DYTN: variants seen among roughly 807,000 people sequenced by gnomAD.
DYTN encodes dystrotelin.
In DYTN, 75 loss-of-function variants were observed where a neutral mutation model predicts 69.6. That is an observed-to-expected ratio of 1.08 (90% CI 0.89 to 1.31). DYTN has a LOEUF of 1.31. Among genes scored for constraint, DYTN ranks in the 50% most tolerant of loss-of-function variants. The pLI, the probability that DYTN is intolerant of heterozygous loss-of-function variation, is 0.00. For synonymous variants in DYTN, 252 were observed against 249.1 expected (o/e 1.01, Z -0.11); for missense variants, 726 against 688.4 (o/e 1.05, Z -0.61).
intron 9 of DYTN, among the ~76,000 whole-genome samples, chr2:206,672,122 A>T (rs1699636290): frequency 1.3e-5 from 2 of 152,228 alleles, no homozygotes; most frequent in Non-Finnish European, 2.9e-5. Flanking sequence ...CCTCTGGGGA[A>T]TTAGGGACTG....
intron 9 of DYTN, among the ~76,000 whole-genome samples, chr2:206,683,306 C>G (rs1429242373): frequency 2.0e-5 from 3 of 151,606 alleles, no homozygotes; most frequent in African/African-American, 4.8e-5. Flanking sequence ...CTTCCATCTG[C>G]CCCCACTTCC....
At chr2:206,714,888 CT>C (rs1700112557) in intron 1 of DYTN, among the ~76,000 whole-genome samples, 1 of 151,976 alleles carries the variant, frequency 6.6e-6, no homozygotes, top group South Asian at 2.1e-4. Flanking sequence ...AGCCTTAGAG[CT>C]TTCTGTTTGT....
chr2:206,695,680 G>A (rs1574599509), intron 7 of DYTN, among the ~76,000 whole-genome samples: 1 of 152,186 alleles, frequency 6.6e-6, no homozygotes, highest in Admixed American at 6.5e-5. Flanking sequence ...GGATATTTGA[G>A]TGGGACCATG....
Position 206,663,098 on chromosome 2 carries a change from G to A in DYTN, c.1438C>T (p.Leu480=), listed in dbSNP as rs768857657. The part of the protein sequence containing the change: ...QKMPQKVISA[L]PSYQEGLKQD... The stretch of plus-strand genomic sequence containing the variant: ...TTCAGTCCCTCCTGATAACTGGGTA[G>A]GGCACTAATGACTTTCTGTGGCATC... The change falls in exon 11 of 12, where the codon CTA becomes TTA. Residue 480 remains leucine (L), a synonymous_variant. Transcript: ENST00000452335. 1 of 1,613,828 alleles carries A rather than the reference G, an allele frequency of 6.2e-7. No homozygotes were observed. Among genetic ancestry groups the A allele is most frequent in the Non-Finnish European group, 8.5e-7 (1 of 1,179,868 alleles).
chr2:206,708,143 A>G (rs1368633950), intron 2 of DYTN, among the ~76,000 whole-genome samples: 1 of 152,258 alleles, frequency 6.6e-6, no homozygotes, highest in African/African-American at 2.4e-5. Context: ...ATAAAACTAC[A>G]GCTGCTTACA....
intron 1 of DYTN, among the ~76,000 whole-genome samples, chr2:206,717,258 T>C (rs1215935665): frequency 6.6e-6 from 1 of 152,230 alleles, no homozygotes; most frequent in Non-Finnish European, 1.5e-5. Flanking sequence ...TACATCAGTA[T>C]ATTTATTTTC....
At chr2:206,693,056 C>T in intron 9 of DYTN, 119 bp downstream of exon 9, 1 of 1,377,826 alleles carries the variant, frequency 7.3e-7, no homozygotes, top group South Asian at 1.6e-5. Context: ...CCAACCCTCA[C>T]CCCTCCTCCT....
At chr2:206,679,547 G>C (rs1699727512) in intron 9 of DYTN, among the ~76,000 whole-genome samples, 1 of 152,042 alleles carries the variant, frequency 6.6e-6, no homozygotes, top group African/African-American at 2.4e-5. Flanking sequence ...TATCAGACTA[G>C]TTTAAGGTCA....
intron 8 of DYTN, among the ~76,000 whole-genome samples, chr2:206,693,760 CAAGTT>C (rs1699889789): frequency 6.6e-6 from 1 of 152,216 alleles, no homozygotes; most frequent in Non-Finnish European, 1.5e-5. Context: ...TATTTCACCC[CAAGTT>C]AAGAACTTCT....
chr2:206,656,210 T>C (rs751630512), intron 11 of DYTN, among the ~76,000 whole-genome samples: 4 of 152,206 alleles, frequency 2.6e-5, no homozygotes, highest in Non-Finnish European at 5.9e-5. Flanking sequence ...TCTGGGTAAA[T>C]TGACCCTTTT....
intron 9 of DYTN, among the ~76,000 whole-genome samples, chr2:206,684,057 G>A (rs1007515215): frequency 2.0e-5 from 3 of 150,852 alleles, no homozygotes; most frequent in Admixed American, 6.6e-5. Context: ...CAAGCTCACC[G>A]AGAGCAGAAA....
chr2:206,659,310 T>A (rs1699481736), intron 11 of DYTN, among the ~76,000 whole-genome samples: 1 of 151,210 alleles, frequency 6.6e-6, no homozygotes, highest in African/African-American at 2.4e-5. Flanking sequence ...TAGCTGGGAC[T>A]ACAGGCTCCA....
intron 9 of DYTN, among the ~76,000 whole-genome samples, chr2:206,683,607 G>T (rs902570696): frequency 6.6e-6 from 1 of 151,950 alleles, no homozygotes; most frequent in Non-Finnish European, 1.5e-5. Flanking sequence ...GCCTCCTGAA[G>T]TTCTGGGATT....
intron 10 of DYTN, 107 bp from the exon 11 acceptor site, chr2:206,663,502 C>A: frequency 8.3e-7 from 1 of 1,211,298 alleles, no homozygotes; most frequent in South Asian, 1.8e-5. Flanking sequence ...CAAGACTTTT[C>A]TTTCTCCTCT....
chr2:206,669,116 G>C (rs1243067274), intron 9 of DYTN, among the ~76,000 whole-genome samples: 1 of 152,206 alleles, frequency 6.6e-6, no homozygotes, highest in South Asian at 2.1e-4. Context: ...TAGATAACTA[G>C]TAATTGAATA....
Position 206,698,463 on chromosome 2 carries a change from C to G in DYTN, c.719+1264G>C, listed in dbSNP as rs78708862. ...AGTGAGCAGGAGCTGAGTCCTGAGG[C>G]CTCTTGTCCCCTTCTCCTTCCGGGA... On this transcript the variant is annotated intron_variant, in intron 7 of 11. Transcript: ENST00000452335. Among the ~76,000 whole-genome samples, 705 of 152,246 alleles carry G rather than the reference C, an allele frequency of 4.6e-3. 1 individual carries two copies. Among genetic ancestry groups the G allele is most frequent in the Non-Finnish European group, 7.7e-3 (526 of 68,012 alleles).
chr2:206,687,856 C>G (rs1699828761), intron 9 of DYTN, among the ~76,000 whole-genome samples: 1 of 152,034 alleles, frequency 6.6e-6, no homozygotes, highest in Admixed American at 6.6e-5. Context: ...CCGTTTTATA[C>G]TATATTATTT....
chr2:206,699,830 T>C lies in DYTN; in HGVS notation c.616A>G (p.Ile206Val), dbSNP rs911515813. Residue 206 changes from isoleucine to valine, a missense_variant, in exon 7 of 12, where the codon ATC becomes GTC. Coordinates refer to ENST00000452335, the MANE Select transcript of DYTN (RefSeq NM_001093730.1). ...TGGCAGGTCGGGAGCCACAGGAGGA[T>C]GGGAGGCTCAGATTGGACCCAAGAC... The part of the protein sequence containing the change: ...FLSWVQSEPP[I>V]LLWLPTCHRL... 2.0e-5 allele frequency: 33 copies of C among 1,613,712 alleles called. No homozygotes were observed. The highest frequency in any genetic ancestry group is 2.7e-5 in the Non-Finnish European group (32 of 1,179,822).
chr2:206,664,562 G>C (rs1016109751), intron 10 of DYTN, among the ~76,000 whole-genome samples: 4 of 152,136 alleles, frequency 2.6e-5, no homozygotes, highest in African/African-American at 9.7e-5. Flanking sequence ...CCACGAGGTT[G>C]AGGCGGGAGG....
Sources: allele counts gnomAD v4.1 joint callset (sites outside exome capture counted in the v4.1 genomes callset), GRCh38; gene constraint gnomAD v4.1.1; transcripts MANE v1.5; gene names NCBI Gene and HGNC (gene_info 2026-07-23, HGNC 2026-07-21).